The following PLB1 variants were observed in gnomAD, a reference collection of about 807,000 sequenced individuals.
PLB1 encodes the protein phospholipase B1, membrane-associated.
Under a neutral mutation model 227.4 loss-of-function variants are expected in PLB1, and 242 were observed. The observed-to-expected ratio is 1.06, with a 90% confidence interval of 0.96 to 1.18. PLB1 has a LOEUF of 1.18. PLB1 is among the 50% of genes most tolerant of loss of function. The probability of loss-of-function intolerance (pLI) is 0.00; values close to 1 mark genes in which losing one functional copy is unlikely to be tolerated. For synonymous variants in PLB1, 757 were observed against 682.2 expected (o/e 1.11, Z -1.71); for missense variants, 1,858 against 1,816.3 (o/e 1.02, Z -0.42).
intron 49 of PLB1, among the ~76,000 whole-genome samples, chr2:28,622,779 G>A (rs1324426950): frequency 5.3e-5 from 8 of 152,156 alleles, no homozygotes; most frequent in African/African-American, 9.7e-5. Flanking sequence ...CCAGCTACTC[G>A]GGAGGCTGAG....
chr2:28,624,910 T>G, intron 49 of PLB1, 147 bp from the exon 50 acceptor site: 1 of 769,418 alleles, frequency 1.3e-6, no homozygotes, highest in Non-Finnish European at 2.2e-6. Flanking sequence ...TGATTGTTAC[T>G]AAGCTGAGAT....
chr2:28,612,874 T>G (rs1164890463), intron 43 of PLB1, among the ~76,000 whole-genome samples: 1 of 149,822 alleles, frequency 6.7e-6, no homozygotes, highest in Non-Finnish European at 1.5e-5. Context: ...CCCCTTGGCC[T>G]CCCAAAGTGC....
intron 26 of PLB1, among the ~76,000 whole-genome samples, chr2:28,589,162 C>T (rs901021899): frequency 1.3e-5 from 2 of 151,078 alleles, no homozygotes; most frequent in African/African-American, 4.9e-5. Flanking sequence ...GAGACTCTGT[C>T]CCCCCAAAAA....
chr2:28,602,795 C>A, intron 38 of PLB1, 26 bp from the exon 39 acceptor site: 1 of 1,601,370 alleles, frequency 6.2e-7, no homozygotes, highest in African/African-American at 1.3e-5. Flanking sequence ...CTGGAGCCCC[C>A]CTCTCATCTG....
chr2:28,580,117 A>C lies in PLB1; in HGVS notation c.1566+410A>C, dbSNP rs1350939030. ...GTCGATTTCCTGCAGGCATTTGGGC[A>C]AGCTTCAGAGCCAAGTCATTCTGGG... On this transcript the variant is annotated intron_variant, in intron 23 of 57. Transcript: ENST00000327757. Among the ~76,000 whole-genome samples the C allele has an allele frequency of 3.9e-5, 6 of 152,214 alleles. No homozygotes were observed. In the South Asian group the frequency reaches 1.2e-3, roughly 32 times the overall value.
At chr2:28,522,468 T>C (rs756999893) in intron 4 of PLB1, among the ~76,000 whole-genome samples, 4 of 152,152 alleles carry the variant, frequency 2.6e-5, no homozygotes, top group Non-Finnish European at 5.9e-5. Context: ...AGAGGTTTCA[T>C]GTCCCAGATA....
chr2:28,629,283 G>C lies in PLB1; in HGVS notation c.3818+98G>C, dbSNP rs1474988376. ...GACCAGTTGAGGCAGAGCCAGGCAG[G>C]CCTGCCAGAGGGTAGACATGGCTCA... On this transcript the variant is annotated intron_variant, in intron 53 of 57. Transcript: ENST00000327757. 15 of 1,062,114 alleles carry C rather than the reference G, an allele frequency of 1.4e-5. No homozygotes were observed. The East Asian group carries it at 2.0e-4, about 14-fold the overall frequency. 65.8% of individuals were successfully genotyped at this position (1,062,114 alleles called of 1,614,324 possible). A position where few individuals can be genotyped will look rare whatever the true frequency, so the allele number is the denominator to read the frequency against.
chr2:28,499,651 C>T (rs1191138581), intron 1 of PLB1, among the ~76,000 whole-genome samples: 2 of 151,958 alleles, frequency 1.3e-5, no homozygotes, highest in East Asian at 1.9e-4. Flanking sequence ...TTTGGGAGGC[C>T]GAGGTGGGTG....
At chr2:28,623,965 C>T (rs557402938) in intron 49 of PLB1, among the ~76,000 whole-genome samples, 36 of 152,254 alleles carry the variant, frequency 2.4e-4, no homozygotes, top group African/African-American at 7.9e-4. Flanking sequence ...GGCATGGTGG[C>T]ATGGACCTGT....
intron 6 of PLB1, 24 bp downstream of exon 6, chr2:28,525,969 G>A: frequency 6.2e-7 from 1 of 1,613,876 alleles, no homozygotes; most frequent in Non-Finnish European, 8.5e-7. Context: ...TTCACGGCCA[G>A]ATTTCAGAGT....
intron 31 of PLB1, among the ~76,000 whole-genome samples, chr2:28,592,113 T>C (rs1196239878): frequency 6.6e-6 from 1 of 152,096 alleles, no homozygotes; most frequent in African/African-American, 2.4e-5. Context: ...CTGCAATCAC[T>C]GCCGCCTACA....
At chr2:28,607,862 C>T (rs1324148131) in intron 43 of PLB1, among the ~76,000 whole-genome samples, 1 of 152,172 alleles carries the variant, frequency 6.6e-6, no homozygotes, top group East Asian at 1.9e-4. Context: ...CCTTTCCAAA[C>T]TGTCCACTCC....
intron 49 of PLB1, among the ~76,000 whole-genome samples, chr2:28,621,286 G>C (rs997564303): frequency 2.0e-5 from 3 of 152,142 alleles, no homozygotes; most frequent in African/African-American, 7.2e-5. Flanking sequence ...GGCAGCAGGA[G>C]GCGCACATCT....
intron 50 of PLB1, among the ~76,000 whole-genome samples, chr2:28,625,732 C>T (rs1199228108): frequency 6.6e-6 from 1 of 152,298 alleles, no homozygotes; most frequent in African/African-American, 2.4e-5. Flanking sequence ...CATCCTTTGC[C>T]TACAGCTCCC....
At chr2:28,500,562 G>A (rs1666968965) in intron 1 of PLB1, among the ~76,000 whole-genome samples, 1 of 151,774 alleles carries the variant, frequency 6.6e-6, no homozygotes, top group Non-Finnish European at 1.5e-5. Context: ...TTGTCAGTTG[G>A]GTTTCCTCCA....
At position 28,540,413 on chromosome 2, in the gene PLB1, C is replaced by A. The variant is rs1672322185; in HGVS notation, c.746C>A (p.Ala249Asp). The change falls in exon 12 of 58, where the codon GCC (alanine) becomes GAC (aspartate). Residue 249 changes from alanine (A) to aspartate (D), a missense_variant. Ala to Asp is a moderately radical substitution (Grantham distance 126). Transcript: ENST00000327757. ...TGCTCAGAGGAGACCACCCGGCTGGCCAAGGTGGTGATGCAGTGGTCTTAT... is the reference window on the plus strand; with the variant it reads ...TGCTCAGAGGAGACCACCCGGCTGGACAAGGTGGTGATGCAGTGGTCTTAT... ...CNCSEETTRL[A>D]KVVMQWSYQE... is the part of the protein sequence containing the mutation. 6.2e-7 allele frequency: 1 copy of A among 1,614,014 alleles called. No individual in the cohort carries two copies. The highest frequency in any genetic ancestry group is 8.5e-7 in the Non-Finnish European group (1 of 1,179,980).
intron 43 of PLB1, among the ~76,000 whole-genome samples, chr2:28,611,024 G>C (rs1380629119): frequency 6.6e-6 from 1 of 152,024 alleles, no homozygotes; most frequent in African/African-American, 2.4e-5. Context: ...AATGGTCAAT[G>C]GTCAATAAAC....
rs1681503285 is a variant in PLB1 at position 28,589,533 on chromosome 2, C to T, written c.1899C>T (p.Asn633=). The T allele has an allele frequency of 1.3e-5, 21 of 1,614,150 alleles. No homozygotes were observed. Among genetic ancestry groups the T allele is most frequent in the East Asian group, 4.5e-5 (2 of 44,884 alleles). ...FTVVVQPFFE[N]VDMPKTSEGL... ...TGGTTGTGCAGCCGTTCTTTGAAAA[C>T]GTGGACATGCCAAAGACCTCGGTAA... The change falls in exon 27 of 58, where the codon AAC becomes AAT. Residue 633 remains asparagine (N), a synonymous_variant. Transcript: ENST00000327757.
chr2:28,526,807 G>C (rs1452469955), intron 6 of PLB1, among the ~76,000 whole-genome samples: 1 of 152,190 alleles, frequency 6.6e-6, no homozygotes, highest in Non-Finnish European at 1.5e-5. Flanking sequence ...TTGAAAGGAG[G>C]GGCCCATGAA....
Sources: allele counts gnomAD v4.1 joint callset (sites outside exome capture counted in the v4.1 genomes callset), GRCh38; gene constraint gnomAD v4.1.1; transcripts MANE v1.5; gene names NCBI Gene and HGNC (gene_info 2026-07-23, HGNC 2026-07-21).